COL25A1: variants seen among roughly 807,000 people sequenced by gnomAD.
COL25A1 encodes the protein collagen type XXV alpha 1 chain.
A neutral mutation model predicts 128.4 loss-of-function variants in COL25A1; 103 were observed. That is an observed-to-expected ratio of 0.80 (90% CI 0.68 to 0.94). The LOEUF (loss-of-function observed/expected upper bound fraction) is 0.94. Ranked by LOEUF, COL25A1 falls within the 40% of genes least tolerant of loss-of-function variation. The pLI, the probability that COL25A1 is intolerant of heterozygous loss-of-function variation, is 0.00. For synonymous variants in COL25A1, 279 were observed against 277.2 expected (o/e 1.01, Z -0.06); for missense variants, 745 against 840.0 (o/e 0.89, Z 1.40).
intron 3 of COL25A1, among the ~76,000 whole-genome samples, chr4:109,212,231 T>C (rs983169762): frequency 2.6e-5 from 4 of 152,214 alleles, no homozygotes; most frequent in African/African-American, 9.6e-5. Context: ...TTCTCTGATA[T>C]GGTTACAGAT....
chr4:109,231,807 A>G (rs1417501228), intron 3 of COL25A1, among the ~76,000 whole-genome samples: 2 of 152,216 alleles, frequency 1.3e-5, no homozygotes, highest in Admixed American at 6.5e-5. Flanking sequence ...CTGTTACTAA[A>G]TATGTGATTT....
At chr4:108,830,626 G>A (rs1022227075) in intron 32 of COL25A1, among the ~76,000 whole-genome samples, 1 of 152,190 alleles carries the variant, frequency 6.6e-6, no homozygotes, top group Non-Finnish European at 1.5e-5. Context: ...AACACTTTAC[G>A]CTGCACACCA....
intron 3 of COL25A1, among the ~76,000 whole-genome samples, chr4:109,265,004 A>T (rs1196187291): frequency 4.2e-5 from 6 of 141,640 alleles, no homozygotes; most frequent in Non-Finnish European, 7.9e-5. Context: ...TCTATTTATA[A>T]TGCCTTTTTT....
At chr4:109,012,510 G>A (rs1030817760) in intron 5 of COL25A1, among the ~76,000 whole-genome samples, 8 of 152,168 alleles carry the variant, frequency 5.3e-5, no homozygotes, top group Non-Finnish European at 1.0e-4. Context: ...TGCGTGCAGC[G>A]CTCGTGGGCC....
chr4:109,173,198 C>G (rs1191110046), intron 3 of COL25A1, among the ~76,000 whole-genome samples: 1 of 152,090 alleles, frequency 6.6e-6, no homozygotes, highest in Middle Eastern at 3.4e-3. Context: ...TGATCCTCCC[C>G]TTTCAGACCC....
chr4:109,051,159 G>A (rs551658619), intron 3 of COL25A1, among the ~76,000 whole-genome samples: 1 of 152,280 alleles, frequency 6.6e-6, no homozygotes, highest in East Asian at 1.9e-4. Flanking sequence ...AGAATGAGCT[G>A]CTAAGTAGGA....
chr4:109,205,000 T>C (rs2126187011), intron 3 of COL25A1, among the ~76,000 whole-genome samples: 1 of 152,306 alleles, frequency 6.6e-6, no homozygotes, highest in South Asian at 2.1e-4. Context: ...GTGTTACCAC[T>C]GTGTGATTGT....
At chr4:108,974,621 C>T in intron 6 of COL25A1, 62 bp from the exon 7 acceptor site, 1 of 1,315,020 alleles carries the variant, frequency 7.6e-7, no homozygotes, top group Non-Finnish European at 1.1e-6. Flanking sequence ...CTGAATAGAT[C>T]AGCCAGGTTA....
intron 3 of COL25A1, among the ~76,000 whole-genome samples, chr4:109,146,819 C>T (rs1770986907): frequency 1.3e-5 from 2 of 152,188 alleles, no homozygotes; most frequent in Admixed American, 6.5e-5. Flanking sequence ...CAATTAATGA[C>T]CTCCAAATTT....
intron 3 of COL25A1, among the ~76,000 whole-genome samples, chr4:109,278,732 T>C (rs1176351630): frequency 6.6e-6 from 1 of 152,248 alleles, no homozygotes; most frequent in East Asian, 1.9e-4. Flanking sequence ...TAATGTTCAC[T>C]TCCCTTAAAG....
Position 109,092,493 on chromosome 4 carries a change from G to GCA in COL25A1, c.368-42316_368-42315dup, listed in dbSNP as rs1765004999. On this transcript the variant is annotated intron_variant, in intron 3 of 37. Transcript: ENST00000399132. ...GACAGAGCGAGATGCACACATGCGT[G>GCA]CACACACCACGCCACCCACATCACA... 3.3e-5 allele frequency among the ~76,000 whole-genome samples: 5 copies of GCA among 152,168 alleles called. No individual in the cohort carries two copies. The South Asian group carries it at 1.0e-3, about 32-fold the overall frequency.
At chr4:108,944,200 G>T (rs13149444) in intron 8 of COL25A1, among the ~76,000 whole-genome samples, 72,879 of 152,042 alleles carry the variant, frequency 0.48, 20,130 homozygotes, top group East Asian at 0.93. Context: ...TTAAGTGGCT[G>T]CGTAGTTTTG....
At chr4:109,242,455 T>C (rs6533425) in intron 3 of COL25A1, among the ~76,000 whole-genome samples, 75,499 of 151,918 alleles carry the variant, frequency 0.5, 21,893 homozygotes, top group African/African-American at 0.79. Context: ...GGTCAAATTA[T>C]GAATGGTTGT....
At chr4:108,925,465 C>G (rs3844177) in intron 11 of COL25A1, among the ~76,000 whole-genome samples, 69,734 of 151,848 alleles carry the variant, frequency 0.46, 18,620 homozygotes, top group East Asian at 0.93. Context: ...CAAATGCAAA[C>G]ACCAAGAGTT....
At chr4:109,077,061 G>T (rs1315567549) in intron 3 of COL25A1, among the ~76,000 whole-genome samples, 1 of 152,140 alleles carries the variant, frequency 6.6e-6, no homozygotes, top group African/African-American at 2.4e-5. Flanking sequence ...GCAGTAAAGG[G>T]TCCTGCAATG....
chr4:109,082,028 C>T (rs1763892638), intron 3 of COL25A1, among the ~76,000 whole-genome samples: 1 of 152,176 alleles, frequency 6.6e-6, no homozygotes, highest in Non-Finnish European at 1.5e-5. Context: ...TCTATCTCTA[C>T]AGATTTGTCT....
chr4:108,865,909 C>G (rs1737851636), intron 20 of COL25A1, among the ~76,000 whole-genome samples: 2 of 152,190 alleles, frequency 1.3e-5, no homozygotes, highest in South Asian at 2.1e-4. Context: ...GGTAGGATGA[C>G]AGGTGTGCAC....
intron 6 of COL25A1, among the ~76,000 whole-genome samples, chr4:108,975,352 A>G (rs1194468694): frequency 1.3e-5 from 2 of 152,220 alleles, no homozygotes; most frequent in Admixed American, 1.3e-4. Flanking sequence ...GCTACTTGGG[A>G]GGCTGAGGCA....
At chr4:109,063,913 T>C (rs1302801787) in intron 3 of COL25A1, among the ~76,000 whole-genome samples, 1 of 152,168 alleles carries the variant, frequency 6.6e-6, no homozygotes, top group Non-Finnish European at 1.5e-5. Context: ...AGGACTAACC[T>C]GGCAGGAATT....
Sources: allele counts gnomAD v4.1 joint callset (sites outside exome capture counted in the v4.1 genomes callset), GRCh38; gene constraint gnomAD v4.1.1; transcripts MANE v1.5; gene names NCBI Gene and HGNC (gene_info 2026-07-23, HGNC 2026-07-21).